UBE2E2: variants seen among roughly 807,000 people sequenced by gnomAD.
The protein encoded by UBE2E2 is ubiquitin-conjugating enzyme E2 E2.
In UBE2E2, 6 loss-of-function variants were observed where a neutral mutation model predicts 24.7. That is an observed-to-expected ratio of 0.24 (90% CI 0.13 to 0.48). The LOEUF is 0.48. Ranked by LOEUF, UBE2E2 falls within the 20% of genes least tolerant of loss-of-function variation. The pLI is 0.99. For synonymous variants in UBE2E2, 104 were observed against 83.6 expected, an observed-to-expected ratio of 1.24 and a Z score of -1.33; for missense variants, 169 against 245.0, an observed-to-expected ratio of 0.69 and a Z score of 2.07.
chr3:23,561,225 A>C (rs1695921854), intron 5 of UBE2E2, among the ~76,000 whole-genome samples: 2 of 152,144 alleles, frequency 1.3e-5, no homozygotes, highest in Non-Finnish European at 1.5e-5. Context: ...TAAGTCTTTA[A>C]TCCATCTTGA....
chr3:23,349,892 A>G (rs565520533), intron 3 of UBE2E2, among the ~76,000 whole-genome samples: 1 of 152,350 alleles, frequency 6.6e-6, no homozygotes, highest in Non-Finnish European at 1.5e-5. Flanking sequence ...TGGTTCTCCC[A>G]GCAGGCAGCT....
In UBE2E2 at chr3:23,460,437, A is replaced by G. The variant is rs536904958; in HGVS notation, c.228-39171A>G. Among the ~76,000 whole-genome samples the G allele has an allele frequency of 1.2e-3, 183 of 152,312 alleles. 1 individual carries two copies. Among genetic ancestry groups the G allele is most frequent in the Middle Eastern group, 3.4e-3 (1 of 294 alleles). On this transcript the variant is annotated intron_variant, in intron 3 of 5. Transcript: ENST00000396703. ...CTGTTTCCTCATATGTAAAATGGAA[A>G]TGGCACCTACATTATGGGTTACATG...
chr3:23,431,461 A>G (rs1698058700), intron 3 of UBE2E2, among the ~76,000 whole-genome samples: 1 of 151,496 alleles, frequency 6.6e-6, no homozygotes, highest in African/African-American at 2.4e-5. Context: ...TTTCAGGAAA[A>G]TGCTATGAGT....
chr3:23,323,817 C>G (rs930356867), intron 3 of UBE2E2, among the ~76,000 whole-genome samples: 1 of 152,040 alleles, frequency 6.6e-6, no homozygotes, highest in African/African-American at 2.4e-5. Flanking sequence ...ATCTCTTATT[C>G]CCCTGTGCTT....
At chr3:23,256,095 G>T (rs1697714453) in intron 3 of UBE2E2, among the ~76,000 whole-genome samples, 1 of 152,194 alleles carries the variant, frequency 6.6e-6, no homozygotes, top group Non-Finnish European at 1.5e-5. Context: ...ACTATAAAGA[G>T]ATCATTCTGT....
chr3:23,338,446 A>G (rs764228462), intron 3 of UBE2E2, among the ~76,000 whole-genome samples: 1 of 152,156 alleles, frequency 6.6e-6, no homozygotes, highest in South Asian at 2.1e-4. Context: ...GTGTATGTGT[A>G]CATGTATGCC....
chr3:23,426,368 C>T (rs568817323), intron 3 of UBE2E2, among the ~76,000 whole-genome samples: 4 of 150,546 alleles, frequency 2.7e-5, no homozygotes, highest in Admixed American at 2.6e-4. Flanking sequence ...AATTAATGTC[C>T]CACACTAAAC....
intron 3 of UBE2E2, among the ~76,000 whole-genome samples, chr3:23,286,258 G>A (rs1698612621): frequency 6.6e-6 from 1 of 152,090 alleles, no homozygotes; most frequent in African/African-American, 2.4e-5. Context: ...TCAGTCCAGT[G>A]TCCTGGAGAG....
chr3:23,285,323 G>GTGC (rs1348046142), intron 3 of UBE2E2, among the ~76,000 whole-genome samples: 1 of 152,174 alleles, frequency 6.6e-6, no homozygotes, highest in African/African-American at 2.4e-5. Context: ...ATCGTGAATA[G>GTGC]TGCTGCAATA....
At chr3:23,272,517 C>G (rs577215555) in intron 3 of UBE2E2, among the ~76,000 whole-genome samples, 1 of 152,206 alleles carries the variant, frequency 6.6e-6, no homozygotes, top group South Asian at 2.1e-4. Context: ...GCCGAGGAGG[C>G]GCTGAGAGCG....
At chr3:23,526,964 C>T (rs1695013961) in intron 4 of UBE2E2, among the ~76,000 whole-genome samples, 1 of 151,974 alleles carries the variant, frequency 6.6e-6, no homozygotes, top group South Asian at 2.1e-4. Flanking sequence ...ATTTAAAACA[C>T]CATAAAGTCA....
intron 3 of UBE2E2, among the ~76,000 whole-genome samples, chr3:23,356,082 A>C (rs1441994110): frequency 6.6e-6 from 1 of 152,218 alleles, no homozygotes. Context: ...AAGAGGATGC[A>C]CTGAGTAGCA....
chr3:23,499,795 A>C, intron 4 of UBE2E2, 55 bp downstream of exon 4: 5 of 1,576,710 alleles, frequency 3.2e-6, no homozygotes, highest in Non-Finnish European at 4.3e-6. Flanking sequence ...TTCTAGATAC[A>C]TATACTTATT....
chr3:23,397,311 C>A (rs1697102151), intron 3 of UBE2E2, among the ~76,000 whole-genome samples: 1 of 152,134 alleles, frequency 6.6e-6, no homozygotes, highest in South Asian at 2.1e-4. Context: ...GATTGTATGA[C>A]AAGATAGTGA....
intron 3 of UBE2E2, among the ~76,000 whole-genome samples, chr3:23,481,881 G>A (rs569053199): frequency 1.3e-5 from 2 of 152,244 alleles, no homozygotes; most frequent in East Asian, 3.9e-4. Context: ...TGTAAAATCT[G>A]TGTTTGTTTT....
chr3:23,564,503 T>C (rs1575710166), intron 5 of UBE2E2, among the ~76,000 whole-genome samples: 1 of 152,278 alleles, frequency 6.6e-6, no homozygotes, highest in Middle Eastern at 3.4e-3. Flanking sequence ...CAAATGAGGG[T>C]ACCACATTAG....
intron 3 of UBE2E2, among the ~76,000 whole-genome samples, chr3:23,491,197 A>C (rs1018524586): frequency 6.6e-6 from 1 of 152,152 alleles, no homozygotes; most frequent in Non-Finnish European, 1.5e-5. Context: ...AATACAGGGA[A>C]TCTCAGGAGT....
intron 1 of UBE2E2, among the ~76,000 whole-genome samples, chr3:23,206,595 G>T (rs554146032): frequency 2.8e-4 from 43 of 152,152 alleles, no homozygotes; most frequent in Admixed American, 1.2e-3. Context: ...GGGTGCTGGT[G>T]GTGGTGTGTG....
At chr3:23,393,222 T>C (rs1029554141) in intron 3 of UBE2E2, among the ~76,000 whole-genome samples, 1 of 152,078 alleles carries the variant, frequency 6.6e-6, no homozygotes, top group African/African-American at 2.4e-5. Flanking sequence ...GGGGATAAAA[T>C]AGACATGACT....
Sources: gnomAD v4.1 joint callset for allele counts (sites outside exome capture counted in the v4.1 genomes callset) on GRCh38, gnomAD v4.1.1 for gene constraint, MANE v1.5 for transcripts, NCBI Gene and HGNC (gene_info 2026-07-23, HGNC 2026-07-21) for gene names.